The following SIN3B variants were observed in gnomAD, a reference collection of about 807,000 sequenced individuals.
SIN3B encodes SIN3 transcription regulator family member B.
SIN3B carries 19 observed loss-of-function variants against 120.2 expected under a neutral mutation model. The ratio of observed to expected loss-of-function variants is 0.16; its 90% CI spans 0.11 to 0.23. SIN3B has a LOEUF of 0.23. SIN3B is among the 10% of genes least tolerant of loss of function. SIN3B has a pLI of 1.00. For synonymous variants in SIN3B, 654 were observed against 653.2 expected, an observed-to-expected ratio of 1.00 and a Z score of -0.02; for missense variants, 1,073 against 1,573.0, an observed-to-expected ratio of 0.68 and a Z score of 5.38.
chr19:16,862,512 A>G lies in SIN3B; in HGVS notation c.1219A>G (p.Thr407Ala). ...ATCCAGCTACCGGGCACTCCCCAAA[A>G]CCTACCAGCAGCCCAAGTGCAGTGG... ...IGSSYRALPK[T>A]YQQPKCSGRT... is the part of the protein sequence containing the mutation. Residue 407 changes from threonine (T) to alanine (A), a missense_variant, in exon 9 of 19, where the codon ACC (threonine) becomes GCC (alanine). Transcript: ENST00000248054. The surrounding 1 kb of genome is among the most constrained non-coding windows in gnomAD (Gnocchi z 4.7). 1 of 1,613,976 alleles carries G rather than the reference A, an allele frequency of 6.2e-7. No homozygotes were observed. Among genetic ancestry groups the G allele is most frequent in the Non-Finnish European group, 8.5e-7 (1 of 1,180,000 alleles).
chr19:16,829,897 G>C lies in SIN3B; in HGVS notation c.227G>C (p.Ser76Thr). ...ATCATGAAGGAGTTCAAAAGCCAGA[G>C]GTACCAGCGGGGCCCCTCTCCACCT... ...LEIMKEFKSQSIDTPGVIRRV... is the reference protein window; with the variant it reads ...LEIMKEFKSQTIDTPGVIRRV... Residue 76 changes from serine (S) to threonine (T), a missense_variant and splice_region_variant, in exon 2 of 19, where the codon AGC (serine) becomes ACC (threonine). By Grantham distance (58) the Ser-to-Thr change is moderately conservative. Transcript: ENST00000248054. The C allele has an allele frequency of 6.2e-7, 1 of 1,610,214 alleles. No individual in the cohort carries two copies. Among genetic ancestry groups the C allele is most frequent in the Non-Finnish European group, 8.5e-7 (1 of 1,176,798 alleles).
intron 9 of SIN3B, chr19:16,863,367 A>G: frequency 2.0e-6 from 1 of 487,878 alleles, no homozygotes. Context: ...CATTAGGTAT[A>G]AGTATTCTAG....
In SIN3B at chr19:16,851,498, G is replaced by T. The variant is rs569509567; in HGVS notation, c.813G>T (p.Arg271=). The T allele has an allele frequency of 9.4e-5, 152 of 1,608,498 alleles. No individual in the cohort carries two copies. The highest frequency in any genetic ancestry group is 6.6e-4 in the Admixed American group (39 of 59,440). Residue 271 remains arginine (R), a synonymous_variant, in exon 6 of 19, where the codon CGG becomes CGT. Transcript: ENST00000248054. ...CGGAGCACAGCAGGAAGCGCTCCCGGCCCTCGCTCCTCCGCCCCGTGTCTG... is the reference window on the plus strand; with the variant it reads ...CGGAGCACAGCAGGAAGCGCTCCCGTCCCTCGCTCCTCCGCCCCGTGTCTG... ...KTPEHSRKRS[R]PSLLRPVSAP... is the part of the protein sequence containing the mutation.
At chr19:16,875,978 G>A (rs995468858) in intron 14 of SIN3B, 77 bp from the exon 15 acceptor site, 33 of 1,472,124 alleles carry the variant, frequency 2.2e-5, no homozygotes, top group Non-Finnish European at 2.9e-5. Context: ...TCTGGCCTTT[G>A]TCGACTTCCT....
In SIN3B at chr19:16,876,527, C is replaced by G; in HGVS notation, c.2808C>G (p.Ile936Met). Residue 936 changes from isoleucine to methionine, a missense_variant, in exon 16 of 19, where the codon ATC becomes ATG. Ile to Met is a conservative substitution (Grantham distance 10, BLOSUM62 1). Around this residue, in one of 7 missense-constraint regions of SIN3B, gnomAD observed 311 missense variants for 400.3 expected, o/e 0.78. Transcript: ENST00000248054. This position sits in a 1 kb window ranked among gnomAD's most constrained non-coding sequence, Gnocchi z 7.1. ...GCAAAGGGCAGGTGATCATGACCAT[C>G]GAGCTCCTGGACACCGAGGAGGCCC... ...LQRKGQVIMT[I>M]ELLDTEEAQT... is the part of the protein sequence containing the mutation. 1 of 1,613,470 alleles carries G rather than the reference C, an allele frequency of 6.2e-7. No individual in the cohort carries two copies. Among genetic ancestry groups the G allele is most frequent in the Non-Finnish European group, 8.5e-7 (1 of 1,179,910 alleles).
At chr19:16,877,116 G>C (rs1038674525) in intron 16 of SIN3B, 1 of 227,528 alleles carries the variant, frequency 4.4e-6, no homozygotes, top group Non-Finnish European at 8.7e-6. Flanking sequence ...ACATTACTCA[G>C]CTAGGCCAAC....
chr19:16,841,644 T>G (rs997061025), intron 3 of SIN3B, 124 bp from the exon 4 acceptor site: 7 of 900,256 alleles, frequency 7.8e-6, no homozygotes, highest in Non-Finnish European at 1.2e-5. Context: ...TTTCCCTGTC[T>G]CTAATACAGC....
intron 3 of SIN3B, among the ~76,000 whole-genome samples, chr19:16,840,530 T>G (rs1971404313): frequency 6.6e-6 from 1 of 152,210 alleles, no homozygotes; most frequent in African/African-American, 2.4e-5. Flanking sequence ...AGCTGATGGA[T>G]GCACTCACCC....
chr19:16,831,544 A>C lies in SIN3B; in HGVS notation c.278A>C (p.His93Pro), dbSNP rs1320869200. 1 of 1,614,012 alleles carries C rather than the reference A, an allele frequency of 6.2e-7. No individual in the cohort carries two copies. The highest frequency in any genetic ancestry group is 8.5e-7 in the Non-Finnish European group (1 of 1,179,996). The change falls in exon 3 of 19, where the codon CAC becomes CCC. Residue 93 changes from histidine (H) to proline (P), a missense_variant. Transcript: ENST00000248054. ...CGTGTCTCGCAGCTCTTCCACGAGC[A>C]CCCTGACCTCATTGTTGGATTCAAC... Reference protein sequence around the residue: ...IRRVSQLFHEHPDLIVGFNAF... With the variant: ...IRRVSQLFHEPPDLIVGFNAF...
At chr19:16,840,754 T>C (rs2144582300) in intron 3 of SIN3B, among the ~76,000 whole-genome samples, 1 of 152,320 alleles carries the variant, frequency 6.6e-6, no homozygotes, top group African/African-American at 2.4e-5. Context: ...ACTCTGTTTC[T>C]CACACTGTTC....
At position 16,874,581 on chromosome 19, in the gene SIN3B, G is replaced by T. The variant is rs573991487; in HGVS notation, c.2593-1474G>T. On this transcript the variant is annotated intron_variant, in intron 14 of 18. Coordinates refer to ENST00000248054, the MANE Select transcript of SIN3B (RefSeq NM_001297595.2). ...TTTTGATTTGGTCTGATTTGGTCTG[G>T]TCTGGTTTGGTGTGGTTTTGGTTTG... 1.8e-4 allele frequency among the ~76,000 whole-genome samples: 27 copies of T among 151,894 alleles called. No homozygotes were observed. In the Middle Eastern group the frequency reaches 0.01, roughly 57 times the overall value.
At chr19:16,877,443 G>A in intron 16 of SIN3B, 102 bp from the exon 17 acceptor site, 1 of 807,428 alleles carries the variant, frequency 1.2e-6, no homozygotes. Flanking sequence ...TGGCAGTGGG[G>A]GGCACAGAAC....
At chr19:16,841,295 A>C (rs138370744) in intron 3 of SIN3B, among the ~76,000 whole-genome samples, 2 of 152,264 alleles carry the variant, frequency 1.3e-5, no homozygotes, top group African/African-American at 4.8e-5. Context: ...AACAACCTGG[A>C]CAGTGGGTCG....
chr19:16,872,798 C>T (rs2051529368), intron 14 of SIN3B: 1 of 152,168 alleles, frequency 6.6e-6, no homozygotes, highest in South Asian at 2.1e-4. Flanking sequence ...TGTGTGTTAA[C>T]AGCAGCACAC....
intron 2 of SIN3B, among the ~76,000 whole-genome samples, chr19:16,831,117 C>T (rs1032068349): frequency 2.7e-5 from 4 of 150,886 alleles, no homozygotes; most frequent in African/African-American, 9.8e-5. Context: ...GGCTGGAGTG[C>T]AGTGGTGTGA....
intron 5 of SIN3B, among the ~76,000 whole-genome samples, chr19:16,847,750 T>C (rs1183027340): frequency 1.3e-5 from 2 of 152,214 alleles, no homozygotes; most frequent in Admixed American, 1.3e-4. Context: ...TTTTAAAAAT[T>C]GAAGTGAAAT....
rs1239790494 is a variant in SIN3B, at chr19:16,871,326, A to G, written c.2520A>G (p.Leu840=). 5.0e-6 allele frequency: 8 copies of G among 1,613,864 alleles called. No individual in the cohort carries two copies. The highest frequency in any genetic ancestry group is 3.3e-5 in the Admixed American group (2 of 59,996). The part of the protein sequence containing the change: ...SIDPTQYEDT[L]REMFTIHAYV... ...ACCCCACGCAGTACGAGGACACCCTACGCGAGATGTTCACCATCCATGCCT... is the reference window on the plus strand; with the variant it reads ...ACCCCACGCAGTACGAGGACACCCTGCGCGAGATGTTCACCATCCATGCCT... The change falls in exon 14 of 19, where the codon CTA becomes CTG. Residue 840 remains leucine, a synonymous_variant. Coordinates refer to ENST00000248054, the MANE Select transcript of SIN3B (RefSeq NM_001297595.2).
In SIN3B at chr19:16,876,550, C is replaced by T. The variant is rs1312326153; in HGVS notation, c.2831C>T (p.Ala944Val). The T allele has an allele frequency of 6.2e-7, 1 of 1,613,410 alleles. No homozygotes were observed. The change falls in exon 16 of 19, where the codon GCC becomes GTC. Residue 944 changes from alanine to valine, a missense_variant. This residue lies in a region of SIN3B where 311 missense variants were observed against 400.3 expected (regional missense o/e 0.78). Coordinates refer to ENST00000248054, the MANE Select transcript of SIN3B (RefSeq NM_001297595.2). This position sits in a 1 kb window ranked among gnomAD's most constrained non-coding sequence, Gnocchi z 7.1. ...MTIELLDTEE[A>V]QTEDPVEVQH... ...ATCGAGCTCCTGGACACCGAGGAGG[C>T]CCAGACGGAGGACCCTGTGGAGGTC...
chr19:16,830,750 G>A (rs1291669281), intron 2 of SIN3B, among the ~76,000 whole-genome samples: 4 of 152,168 alleles, frequency 2.6e-5, no homozygotes, highest in Non-Finnish European at 5.9e-5. Flanking sequence ...CCCATTCTTG[G>A]CAGTACCATT....
Sources: gnomAD v4.1 joint callset for allele counts (sites outside exome capture counted in the v4.1 genomes callset) on GRCh38, gnomAD v4.1.1 for gene constraint, gnomAD v4.1.1 regional missense constraint, Gnocchi (gnomAD v3.1) non-coding constraint, MANE v1.5 for transcripts, NCBI Gene and HGNC (gene_info 2026-07-23, HGNC 2026-07-21) for gene names.